GRAMD1B: variants seen among roughly 807,000 people sequenced by gnomAD.
GRAMD1B encodes protein Aster-B.
A neutral mutation model predicts 99.7 loss-of-function variants in GRAMD1B; 37 were observed. That is an observed-to-expected ratio of 0.37 (90% CI 0.29 to 0.49). The LOEUF (loss-of-function observed/expected upper bound fraction) is 0.49, where lower values mean the gene tolerates loss of function less well. GRAMD1B is among the 20% of genes least tolerant of loss of function. The pLI is 0.98. For synonymous variants in GRAMD1B, 427 were observed against 387.6 expected, an observed-to-expected ratio of 1.10 and a Z score of -1.19; for missense variants, 888 against 1,009.2, an observed-to-expected ratio of 0.88 and a Z score of 1.63.
intron 2 of GRAMD1B, among the ~76,000 whole-genome samples, chr11:123,519,659 CTGCTGCACT>C (rs1055523666): frequency 6.6e-6 from 1 of 152,254 alleles, no homozygotes; most frequent in African/African-American, 2.4e-5. Context: ...TACTGCAGCG[CTGCTGCACT>C]CCTGCTCCTG....
chr11:123,431,725 G>A (rs1219175838), intron 1 of GRAMD1B, among the ~76,000 whole-genome samples: 1 of 152,222 alleles, frequency 6.6e-6, no homozygotes, highest in East Asian at 1.9e-4. Context: ...CATTGAGTGA[G>A]TCACATTTCC....
chr11:123,592,743 G>A (rs767303154), intron 4 of GRAMD1B, among the ~76,000 whole-genome samples: 1 of 151,998 alleles, frequency 6.6e-6, no homozygotes. Context: ...CTACACCCTA[G>A]GCTGAGGGTC....
At chr11:123,582,542 A>T (rs1205025711) in intron 3 of GRAMD1B, among the ~76,000 whole-genome samples, 2 of 151,982 alleles carry the variant, frequency 1.3e-5, no homozygotes, top group Non-Finnish European at 2.9e-5. Context: ...GGGGACTGGG[A>T]GCCTTGCTAC....
intron 1 of GRAMD1B, among the ~76,000 whole-genome samples, chr11:123,472,227 C>CAA (rs35517773): frequency 4.4e-4 from 54 of 123,508 alleles, no homozygotes; most frequent in East Asian, 2.0e-3. Context: ...GACTCTGTCT[C>CAA]AAAAAAAAAA....
At chr11:123,549,107 A>G (rs1011969670) in intron 2 of GRAMD1B, among the ~76,000 whole-genome samples, 1 of 152,192 alleles carries the variant, frequency 6.6e-6, no homozygotes, top group Non-Finnish European at 1.5e-5. Flanking sequence ...AAGGAGAAAC[A>G]GGGCAGGGTT....
chr11:123,430,996 G>T lies in GRAMD1B; in HGVS notation c.204G>T (p.Leu68Phe). The T allele has an allele frequency of 1.4e-6, 1 of 702,938 alleles. No individual in the cohort carries two copies. The highest frequency in any genetic ancestry group is 1.5e-5 in the South Asian group (1 of 67,594). 43.5% of individuals were successfully genotyped at this position (702,938 alleles called of 1,614,324 possible). ...AGLARDLPAV[L>F]APGKEFLQLP... ...TGGCCCGGGACCTGCCCGCCGTCTT[G>T]GCCCCCGGCAAGGAGTTCCTGCAGC... Residue 68 changes from leucine (L) to phenylalanine (F), a missense_variant, in exon 1 of 20, where the codon TTG becomes TTT. Transcript: ENST00000635736.
At chr11:123,539,251 ATTGG>A (rs1445170383) in intron 2 of GRAMD1B, among the ~76,000 whole-genome samples, 2 of 151,922 alleles carry the variant, frequency 1.3e-5, no homozygotes, top group Non-Finnish European at 2.9e-5. Context: ...ACTCCAAACA[ATTGG>A]GTCCAATTTT....
intron 2 of GRAMD1B, among the ~76,000 whole-genome samples, chr11:123,560,102 C>T (rs949599362): frequency 6.6e-6 from 1 of 150,850 alleles, no homozygotes; most frequent in Non-Finnish European, 1.5e-5. Flanking sequence ...CTGTCCTCCA[C>T]GCTGGCATGA....
intron 2 of GRAMD1B, among the ~76,000 whole-genome samples, chr11:123,573,929 G>A (rs962349443): frequency 1.3e-5 from 2 of 152,110 alleles, no homozygotes; most frequent in Admixed American, 6.6e-5. Flanking sequence ...CGTGTGGGGC[G>A]TGCAGAGGGC....
intron 2 of GRAMD1B, among the ~76,000 whole-genome samples, chr11:123,521,550 A>AT (rs1565324040): frequency 6.6e-6 from 1 of 151,976 alleles, no homozygotes; most frequent in Non-Finnish European, 1.5e-5. Context: ...TGAGTCTATC[A>AT]TTTTTTTCCT....
At chr11:123,387,846 G>A (rs1324743346) in intron 1 of GRAMD1B, among the ~76,000 whole-genome samples, 3 of 152,086 alleles carry the variant, frequency 2.0e-5, no homozygotes, top group African/African-American at 2.4e-5. Context: ...ATGGTTGGCC[G>A]GGTGTGGTGG....
chr11:123,426,839 C>T (rs1263202330), upstream of GRAMD1B, among the ~76,000 whole-genome samples: 1 of 152,178 alleles, frequency 6.6e-6, no homozygotes, highest in Non-Finnish European at 1.5e-5. Flanking sequence ...CTAAAGTTTT[C>T]CCCTGGAAAT....
intron 2 of GRAMD1B, among the ~76,000 whole-genome samples, chr11:123,535,722 C>T (rs191979631): frequency 6.6e-6 from 1 of 152,256 alleles, no homozygotes; most frequent in East Asian, 1.9e-4. Context: ...ATAATGTATC[C>T]ATACAGTGTA....
intron 2 of GRAMD1B, among the ~76,000 whole-genome samples, chr11:123,515,807 TC>T (rs1432420077): frequency 6.6e-6 from 1 of 151,908 alleles, no homozygotes; most frequent in East Asian, 1.9e-4. Flanking sequence ...TTGCTCTGTC[TC>T]CCAGGCTGGA....
chr11:123,374,567 A>G (rs1382906509), intron 1 of GRAMD1B, among the ~76,000 whole-genome samples: 1 of 152,246 alleles, frequency 6.6e-6, no homozygotes, highest in African/African-American at 2.4e-5. Flanking sequence ...CCTTGAGATC[A>G]CTGACCCTAC....
At chr11:123,483,690 T>A (rs1951735950) in intron 2 of GRAMD1B, among the ~76,000 whole-genome samples, 1 of 152,142 alleles carries the variant, frequency 6.6e-6, no homozygotes, top group Non-Finnish European at 1.5e-5. Flanking sequence ...GCATTTAATA[T>A]CTTCTGACCA....
At position 123,394,272 on chromosome 11, in the gene GRAMD1B, A is replaced by T. The variant is rs571347366; in HGVS notation, c.-176+35473A>T. ...TTTTTTATATTGGCAACAGCTTTCT[A>T]GTTTATAATTTTCTCTCTTACTATC... On this transcript the variant is annotated intron_variant, in intron 1 of 20. Coordinates refer to the GRAMD1B transcript ENST00000638157. Among the ~76,000 whole-genome samples, 11 of 152,324 alleles carry T rather than the reference A, an allele frequency of 7.2e-5. No homozygotes were observed. In the East Asian group the frequency reaches 7.7e-4, roughly 11 times the overall value.
chr11:123,475,839 T>C (rs1431528991), intron 1 of GRAMD1B, among the ~76,000 whole-genome samples: 1 of 152,166 alleles, frequency 6.6e-6, no homozygotes, highest in African/African-American at 2.4e-5. Flanking sequence ...TTTGACCTTG[T>C]AGCATGCTGC....
At chr11:123,586,910 C>A (rs779198165) in intron 4 of GRAMD1B, among the ~76,000 whole-genome samples, 1 of 152,212 alleles carries the variant, frequency 6.6e-6, no homozygotes, top group Non-Finnish European at 1.5e-5. Context: ...TTACACTAGA[C>A]GTCCTTCAGA....
Sources: allele counts gnomAD v4.1 joint callset (sites outside exome capture counted in the v4.1 genomes callset), GRCh38; gene constraint gnomAD v4.1.1; transcripts MANE v1.5; gene names NCBI Gene and HGNC (gene_info 2026-07-23, HGNC 2026-07-21).